Variants in GAS2L1 observed in about 807,000 individuals in gnomAD.
GAS2L1 encodes GAS2-like protein 1.
Under a neutral mutation model 44.0 loss-of-function variants are expected in GAS2L1, and 26 were observed. The ratio of observed to expected loss-of-function variants is 0.59; its 90% CI spans 0.43 to 0.82. GAS2L1 has a LOEUF of 0.82. GAS2L1 is among the 40% of genes least tolerant of loss of function. The pLI is 0.00. For synonymous variants in GAS2L1, 426 were observed against 415.9 expected (o/e 1.02, Z -0.30); for missense variants, 1,006 against 983.0 (o/e 1.02, Z -0.31).
rs762415699 is a variant in GAS2L1 at position 29,308,345 on chromosome 22, C to T, written c.240C>T (p.Arg80=). 8 of 1,604,094 alleles carry T rather than the reference C, an allele frequency of 5.0e-6. No individual in the cohort carries two copies. In the Admixed American group the frequency reaches 1.3e-4, roughly 27 times the overall value. Residue 80 remains arginine (R), a synonymous_variant, in exon 1 of 5, where the codon CGC becomes CGT. Coordinates refer to ENST00000618518, the Ensembl canonical transcript of GAS2L1. ...CTGCCCGTGCATTGGCAGCCGCCCG[C>T]CCGGCCCGAGGTGTGGCCTTCCAGG...
Position 29,308,081 on chromosome 22 carries a change from C to A in GAS2L1, c.-25C>A, listed in dbSNP as rs572160756. The stretch of plus-strand genomic sequence containing the variant: ...CAGCGATCCTGAACTGTGTTCCTGC[C>A]CACAGTGACTCGGCCGGTCCGGGCA... On this transcript the variant is annotated 5_prime_UTR_variant, in exon 1 of 5. Coordinates refer to ENST00000618518, the Ensembl canonical transcript of GAS2L1. The A allele has an allele frequency of 2.6e-6, 4 of 1,524,924 alleles. No individual in the cohort carries two copies. The South Asian group carries it at 5.1e-5, about 19-fold the overall frequency. The allele number at this position is 1,524,924 out of a possible 1,614,324, so 94.5% of individuals were successfully genotyped here.
exon 5 of GAS2L1, chr22:29,311,946 C>T (rs1400748817): frequency 3.1e-6 from 5 of 1,606,312 alleles, no homozygotes; most frequent in Non-Finnish European, 4.2e-6. Context: ...GGGCACCACA[C>T]CGGCCAGCAT....
chr22:29,308,156 G>A, exon 1 of GAS2L1: 1 of 1,589,938 alleles, frequency 6.3e-7, no homozygotes, highest in Non-Finnish European at 8.6e-7. Flanking sequence ...AGAGCGTGCG[G>A]CCATTTCGCT....
chr22:29,311,589 A>G, exon 5 of GAS2L1: 1 of 1,540,724 alleles, frequency 6.5e-7, no homozygotes, highest in Middle Eastern at 1.7e-4. Flanking sequence ...TGGCCCCCGG[A>G]GGGAGCGACC....
exon 5 of GAS2L1, chr22:29,312,274 G>C: frequency 6.2e-7 from 1 of 1,611,114 alleles, no homozygotes; most frequent in Non-Finnish European, 8.5e-7. Context: ...GGCAGCCCCT[G>C]CCCTGGCATG....
At position 29,310,562 on chromosome 22, in the gene GAS2L1, C is replaced by T. The variant is rs377144471; in HGVS notation, c.741+16C>T. Reference sequence around the variant, plus strand: ...CTTTGTGCGGGTAAGGGCCTGGGGCCGCCCCAGCGGGCAGCAGCCAAGGTG... The same window carrying T: ...CTTTGTGCGGGTAAGGGCCTGGGGCTGCCCCAGCGGGCAGCAGCCAAGGTG... On this transcript the variant is annotated intron_variant, in intron 2 of 4. Transcript: ENST00000618518. 1.2e-5 allele frequency: 19 copies of T among 1,584,742 alleles called. No individual in the cohort carries two copies. The highest frequency in any genetic ancestry group is 2.2e-5 in the East Asian group (1 of 44,744).
chr22:29,309,674 C>CTGTG (rs1170338780), intron 1 of GAS2L1, among the ~76,000 whole-genome samples: 6 of 152,214 alleles, frequency 3.9e-5, no homozygotes, highest in Non-Finnish European at 7.3e-5. Context: ...GGCCAGTGGT[C>CTGTG]TGTGTGTGCA....
exon 5 of GAS2L1, chr22:29,312,549 G>A (rs2061422653): frequency 1.5e-6 from 2 of 1,354,208 alleles, no homozygotes; most frequent in Admixed American, 5.8e-5. Flanking sequence ...TTCCTTTGTG[G>A]CCTTAACCCT....
exon 5 of GAS2L1, chr22:29,311,910 C>T (rs1223595803): frequency 1.9e-6 from 3 of 1,602,402 alleles, no homozygotes; most frequent in Non-Finnish European, 2.5e-6. Context: ...CCGGCTTTCC[C>T]GGGTCTCCAG....
chr22:29,312,083 C>T (rs17849534), exon 5 of GAS2L1: 1 of 1,612,910 alleles, frequency 6.2e-7, no homozygotes. Flanking sequence ...CTGGACCAGC[C>T]CCTGACCCAG....
chr22:29,308,048 G>T (rs2061365529), exon 1 of GAS2L1: 12 of 1,435,876 alleles, frequency 8.4e-6, no homozygotes, highest in Non-Finnish European at 1.1e-5. Flanking sequence ...GCGCTTACTG[G>T]GTCCCCACAG....
chr22:29,309,634 T>TG (rs1286957776), intron 1 of GAS2L1, among the ~76,000 whole-genome samples: 2 of 152,110 alleles, frequency 1.3e-5, no homozygotes, highest in African/African-American at 4.8e-5. Flanking sequence ...CTGGCTCTGG[T>TG]GGGGGGCTGT....
chr22:29,311,058 C>A, intron 4 of GAS2L1, 60 bp downstream of exon 5: 1 of 1,474,432 alleles, frequency 6.8e-7, no homozygotes, highest in Non-Finnish European at 9.2e-7. Context: ...TCAGCCCTGG[C>A]CTGCATGATG....
upstream of GAS2L1, chr22:29,306,720 G>A (rs1183214635): frequency 2.6e-5 from 4 of 152,334 alleles, no homozygotes; most frequent in Admixed American, 6.5e-5. Context: ...CACCGTCTGG[G>A]GAGGGGGGCG....
chr22:29,311,518 ACTC>A lies in GAS2L1; in HGVS notation c.1071_1073del (p.Ser358del), dbSNP rs1450374145. ...TCCCGCCGCTACTCCGGGGACAGTG[ACTC>A]CTCAGCCTCCTCCGCCCAGAGCGGC... On this transcript the variant is annotated inframe_deletion, in exon 5 of 5. Coordinates refer to ENST00000618518, the Ensembl canonical transcript of GAS2L1. The A allele has an allele frequency of 7.2e-6, 11 of 1,534,212 alleles. No homozygotes were observed. The Admixed American group carries it at 1.8e-4, about 25-fold the overall frequency.
exon 4 of GAS2L1, chr22:29,310,995 C>T: frequency 6.2e-7 from 1 of 1,611,300 alleles, no homozygotes; most frequent in Non-Finnish European, 8.5e-7. Context: ...GAGACCCCAC[C>T]CAGGTGAGAT....
exon 5 of GAS2L1, chr22:29,311,477 G>T (rs533663207): frequency 7.1e-7 from 1 of 1,409,942 alleles, no homozygotes; most frequent in Non-Finnish European, 9.6e-7. Flanking sequence ...GGGATCAGCT[G>T]CCCCCCCATC....
chr22:29,310,511 CGT>C lies in GAS2L1; in HGVS notation c.710_711del (p.Val237GlyfsTer69). 6.2e-7 allele frequency: 1 copy of C among 1,611,150 alleles called. No homozygotes were observed. The highest frequency in any genetic ancestry group is 1.1e-5 in the South Asian group (1 of 91,008). On this transcript the variant is annotated frameshift_variant, in exon 2 of 5. Transcript: ENST00000618518. LOFTEE classifies it high-confidence loss of function. The stretch of plus-strand genomic sequence containing the variant: ...GATCAAGGTCTCAGAGGGGAAGTAC[CGT>C]GTGGGGGACTCGAGCCTGCTCATCT...
rs1334957457 is a variant in GAS2L1 at position 29,310,853 on chromosome 22, T to G, written c.865T>G (p.Cys289Gly). Residue 289 changes from cysteine (C) to glycine (G), a missense_variant, in exon 4 of 5, where the codon TGC (cysteine) becomes GGC (glycine). Physicochemically the swap from Cys to Gly is radical, Grantham distance 159 (BLOSUM62 -3). Coordinates refer to ENST00000618518, the Ensembl canonical transcript of GAS2L1. ...TCATCGCCCACCCCAGCCGAGGGTC[T>G]GCACCTTTTCTCCACAGAGGGTGTC... 3.7e-6 allele frequency: 6 copies of G among 1,612,310 alleles called. No homozygotes were observed. The highest frequency in any genetic ancestry group is 5.1e-6 in the Non-Finnish European group (6 of 1,179,878).
Sources: gnomAD v4.1 joint callset for allele counts (sites outside exome capture counted in the v4.1 genomes callset) on GRCh38, gnomAD v4.1.1 for gene constraint, MANE v1.5 for transcripts, NCBI Gene and HGNC (gene_info 2026-07-23, HGNC 2026-07-21) for gene names.